The following SLIT3 variants were observed in gnomAD, a reference collection of about 807,000 sequenced individuals.
SLIT3 encodes slit homolog 3 protein.
SLIT3 carries 68 observed loss-of-function variants against 184.0 expected under a neutral mutation model. The ratio of observed to expected loss-of-function variants is 0.37; its 90% CI spans 0.30 to 0.45. The LOEUF (loss-of-function observed/expected upper bound fraction) is 0.45. Among genes scored for constraint, SLIT3 ranks in the 20% least tolerant of loss-of-function variants. The pLI, the probability that SLIT3 is intolerant of heterozygous loss-of-function variation, is 1.00. For synonymous variants in SLIT3, 831 were observed against 828.6 expected (o/e 1.00, Z -0.05); for missense variants, 1,707 against 2,026.0 (o/e 0.84, Z 3.02).
intron 4 of SLIT3, among the ~76,000 whole-genome samples, chr5:168,927,001 G>A (rs184574350): frequency 1.3e-5 from 2 of 152,140 alleles, no homozygotes; most frequent in African/African-American, 4.8e-5. Context: ...ATTACCATAC[G>A]ATCCAGCAGT....
At chr5:168,953,053 C>T (rs983842763) in intron 4 of SLIT3, among the ~76,000 whole-genome samples, 12 of 152,136 alleles carry the variant, frequency 7.9e-5, no homozygotes, top group African/African-American at 2.7e-4. Context: ...GGATGAGGAC[C>T]TTGACCAGAT....
chr5:168,947,979 T>TGG (rs11423010), intron 4 of SLIT3, among the ~76,000 whole-genome samples: 81 of 151,598 alleles, frequency 5.3e-4, no homozygotes, highest in South Asian at 1.3e-3. Context: ...TTAGTAGAGA[T>TGG]GGGGGTCTCG....
rs773862415 is a variant in SLIT3, at chr5:168,685,679, G to C, written c.3555+8C>G. 18 of 1,545,258 alleles carry C rather than the reference G, an allele frequency of 1.2e-5. 1 individual carries two copies. The Admixed American group carries it at 2.2e-4, about 19-fold the overall frequency. The stretch of plus-strand genomic sequence containing the variant: ...GTCCTTCCAAGGGCAGGGCAGGGCG[G>C]GACACACCTGCAGGGAGATGTTGGC... On this transcript the variant is annotated splice_region_variant and intron_variant, in intron 31 of 35. Coordinates refer to ENST00000519560, the MANE Select transcript of SLIT3 (RefSeq NM_003062.4).
chr5:169,196,641 C>CA (rs1475976965), intron 3 of SLIT3, among the ~76,000 whole-genome samples: 1 of 152,148 alleles, frequency 6.6e-6, no homozygotes, highest in Non-Finnish European at 1.5e-5. Context: ...CCCAAGGCCA[C>CA]AATGTCAGGA....
intron 18 of SLIT3, among the ~76,000 whole-genome samples, chr5:168,751,737 T>G (rs1021791478): frequency 3.9e-5 from 6 of 152,014 alleles, no homozygotes; most frequent in Admixed American, 3.9e-4. Context: ...TCTTTTTTTT[T>G]TTTTTTTTGA....
intron 4 of SLIT3, among the ~76,000 whole-genome samples, chr5:169,103,221 G>A (rs867070752): frequency 3.3e-5 from 5 of 152,170 alleles, no homozygotes; most frequent in South Asian, 2.1e-4. Flanking sequence ...AAAATAGCTC[G>A]GAAATAGTGA....
intron 35 of SLIT3, 83 bp from the exon 36 acceptor site, chr5:168,666,772 A>C (rs1293042637): frequency 6.3e-7 from 1 of 1,597,248 alleles, no homozygotes; most frequent in Admixed American, 1.7e-5. Flanking sequence ...GCTGCTTTGA[A>C]ATACTTGTGC....
Position 168,952,528 on chromosome 5 carries a change from C to CAAAAAAAAAAAAAAAAAAAAAAAAA in SLIT3, c.414-69193_414-69192insTTTTTTTTTTTTTTTTTTTTTTTTT, listed in dbSNP as rs372134778. On this transcript the variant is annotated intron_variant, in intron 4 of 35. Transcript: ENST00000519560. ...AATCTCAGAGAAGAAGGGAAAATGC[C>CAAAAAAAAAAAAAAAAAAAAAAAAA]AAAAAAAAAAAAAAAAAAAAGAGGG... is the stretch of plus-strand genomic sequence containing the variant. 3.0e-4 allele frequency among the ~76,000 whole-genome samples: 23 copies of CAAAAAAAAAAAAAAAAAAAAAAAAA among 77,924 alleles called. 3 individuals are homozygous for CAAAAAAAAAAAAAAAAAAAAAAAAA. Among genetic ancestry groups the CAAAAAAAAAAAAAAAAAAAAAAAAA allele is most frequent in the African/African-American group, 1.4e-3 (23 of 17,010 alleles). The allele number at this position is 77,924 out of a possible 152,430, so 51.1% of individuals were successfully genotyped here.
At chr5:169,185,360 G>T (rs1342347476) in intron 4 of SLIT3, among the ~76,000 whole-genome samples, 4 of 152,154 alleles carry the variant, frequency 2.6e-5, no homozygotes, top group African/African-American at 4.8e-5. Context: ...TGGTGAGGCT[G>T]GTCTTGCCGT....
chr5:169,131,042 T>A (rs1205369768), intron 4 of SLIT3, among the ~76,000 whole-genome samples: 2 of 152,050 alleles, frequency 1.3e-5, no homozygotes, highest in Non-Finnish European at 2.9e-5. Flanking sequence ...AAGGGCAGAG[T>A]GCCCTTTGAG....
intron 16 of SLIT3, among the ~76,000 whole-genome samples, chr5:168,755,987 T>C (rs7718883): frequency 0.8 from 121,753 of 152,194 alleles, 49,491 homozygotes; most frequent in East Asian, 0.95. Context: ...AGTGTTTATA[T>C]TAGCTCAGGG....
chr5:168,977,262 G>A (rs1486007732), intron 4 of SLIT3, among the ~76,000 whole-genome samples: 2 of 152,180 alleles, frequency 1.3e-5, no homozygotes, highest in East Asian at 3.8e-4. Context: ...AGCACCATCA[G>A]TTTCTCCTGC....
At position 169,234,288 on chromosome 5, in the gene SLIT3, T is replaced by C. The variant is rs190708132; in HGVS notation, c.341+10417A>G. 2.2e-4 allele frequency among the ~76,000 whole-genome samples: 34 copies of C among 152,310 alleles called. 1 individual carries two copies. In the South Asian group the frequency reaches 4.4e-3, roughly 20 times the overall value. On this transcript the variant is annotated intron_variant, in intron 3 of 35. Coordinates refer to ENST00000519560, the MANE Select transcript of SLIT3 (RefSeq NM_003062.4). Reference sequence around the variant, plus strand: ...GTCATGAAGGGCATGTCACTTCTACTCTCATTCCACAGAATTCCAGACGCA... The same window carrying C: ...GTCATGAAGGGCATGTCACTTCTACCCTCATTCCACAGAATTCCAGACGCA...
intron 5 of SLIT3, among the ~76,000 whole-genome samples, chr5:168,863,942 G>C (rs1034796187): frequency 6.6e-6 from 1 of 152,104 alleles, no homozygotes. Flanking sequence ...GTGTGGGCCA[G>C]GTGCGGTAGC....
chr5:168,668,805 G>A (rs1761139654), intron 35 of SLIT3, among the ~76,000 whole-genome samples: 1 of 152,204 alleles, frequency 6.6e-6, no homozygotes, highest in Non-Finnish European at 1.5e-5. Context: ...GCAGAGTTGA[G>A]ACAGGCTCTC....
chr5:168,753,786 C>A, intron 17 of SLIT3, 78 bp downstream of exon 17: 1 of 1,529,904 alleles, frequency 6.5e-7, no homozygotes, highest in Non-Finnish European at 8.9e-7. Context: ...TCCCACTTGC[C>A]TTCGTAGTCT....
At chr5:168,972,228 C>A (rs919565871) in intron 4 of SLIT3, among the ~76,000 whole-genome samples, 2 of 151,892 alleles carry the variant, frequency 1.3e-5, no homozygotes. Flanking sequence ...GAGAATGGTG[C>A]AGGATGAGGT....
chr5:169,082,116 T>A (rs1228825460), intron 4 of SLIT3, among the ~76,000 whole-genome samples: 1 of 152,132 alleles, frequency 6.6e-6, no homozygotes, highest in Admixed American at 6.5e-5. Flanking sequence ...TGTAGGGACA[T>A]GCAGTAAGTG....
chr5:169,209,791 T>C (rs1764197453), intron 3 of SLIT3, among the ~76,000 whole-genome samples: 1 of 151,820 alleles, frequency 6.6e-6, no homozygotes, highest in Non-Finnish European at 1.5e-5. Flanking sequence ...CACCAGGATC[T>C]GTCGGGGGTA....
Sources: allele counts gnomAD v4.1 joint callset (sites outside exome capture counted in the v4.1 genomes callset), GRCh38; gene constraint gnomAD v4.1.1; transcripts MANE v1.5; gene names NCBI Gene and HGNC (gene_info 2026-07-23, HGNC 2026-07-21).